The following SNRPN variants were observed in gnomAD, a reference collection of about 807,000 sequenced individuals.
SNRPN encodes the protein small nuclear ribonucleoprotein-associated protein N.
A neutral mutation model predicts 25.2 loss-of-function variants in SNRPN; 7 were observed. The ratio of observed to expected loss-of-function variants is 0.28; its 90% CI spans 0.16 to 0.52. The LOEUF (loss-of-function observed/expected upper bound fraction) is 0.52, where lower values mean the gene tolerates loss of function less well. SNRPN is among the 20% of genes least tolerant of loss of function. The pLI is 0.96. For synonymous variants in SNRPN, 124 were observed against 110.6 expected (o/e 1.12, Z -0.76); for missense variants, 196 against 322.5 (o/e 0.61, Z 3.00).
rs193204617 is a variant in SNRPN at position 24,935,288 on chromosome 15, C to G, written c.-391+15164C>G. Among the ~76,000 whole-genome samples, 3 of 149,696 alleles carry G rather than the reference C, an allele frequency of 2.0e-5. No individual in the cohort carries two copies. In the East Asian group the frequency reaches 5.8e-4, roughly 29 times the overall value. On this transcript the variant is annotated intron_variant, in intron 3 of 11. Transcript: ENST00000400097. ...CTTTGTCTCCAAAAAAAAAAAAGTT[C>G]GATTTTTGTTTAATAGGTGAGATCA... is the stretch of plus-strand genomic sequence containing the variant.
chr15:24,847,224 C>A (rs2052284061), intron 2 of SNRPN, among the ~76,000 whole-genome samples: 1 of 152,092 alleles, frequency 6.6e-6, no homozygotes, highest in African/African-American at 2.4e-5. Flanking sequence ...GCTCACAGCG[C>A]CACCTAGCAT....
At chr15:24,940,419 A>G (rs767148577) in intron 3 of SNRPN, among the ~76,000 whole-genome samples, 2 of 152,152 alleles carry the variant, frequency 1.3e-5, no homozygotes, top group African/African-American at 4.8e-5. Context: ...ATTCTTTTGC[A>G]TGTGGATATC....
chr15:24,832,869 G>A (rs1373309266), intron 2 of SNRPN, among the ~76,000 whole-genome samples: 1 of 151,972 alleles, frequency 6.6e-6, no homozygotes, highest in Non-Finnish European at 1.5e-5. Context: ...CACTTTGGGA[G>A]GCCGAGGCGG....
intron 3 of SNRPN, among the ~76,000 whole-genome samples, chr15:24,926,765 G>C (rs1422667891): frequency 6.6e-6 from 1 of 152,072 alleles, no homozygotes; most frequent in African/African-American, 2.4e-5. Context: ...AGCACCGTGG[G>C]AGGCTGAGAT....
intron 2 of SNRPN, among the ~76,000 whole-genome samples, chr15:24,888,308 G>A (rs965799001): frequency 2.0e-5 from 3 of 151,892 alleles, no homozygotes; most frequent in Non-Finnish European, 4.4e-5. Flanking sequence ...AGGTTTCACT[G>A]TCTTGGCCAG....
At position 24,925,483 on chromosome 15, in the gene SNRPN, C is replaced by A. The variant is rs186399228; in HGVS notation, c.-391+5359C>A. On this transcript the variant is annotated intron_variant, in intron 3 of 11. Transcript: ENST00000400097. ...TGTATGATTGCGTCCCCCTACCACTCCCCAACACTTCCCTGGCTCCACACC... is the reference window on the plus strand; with the variant it reads ...TGTATGATTGCGTCCCCCTACCACTACCCAACACTTCCCTGGCTCCACACC... Among the ~76,000 whole-genome samples the A allele has an allele frequency of 6.4e-3, 978 of 152,186 alleles. 8 individuals carry two copies. The highest frequency in any genetic ancestry group is 0.014 in the Middle Eastern group (4 of 294).
intron 3 of SNRPN, among the ~76,000 whole-genome samples, chr15:24,949,289 T>A (rs2153190479): frequency 6.6e-6 from 1 of 152,212 alleles, no homozygotes; most frequent in African/African-American, 2.4e-5. Context: ...CCCAAAGTGC[T>A]GGGATTACAG....
chr15:24,970,014 G>A, intron 3 of SNRPN, among the ~76,000 whole-genome samples: 1 of 152,168 alleles, frequency 6.6e-6, no homozygotes, highest in African/African-American at 2.4e-5. Flanking sequence ...TTTTAGAGGA[G>A]CAGATTGAAA....
upstream of SNRPN, among the ~76,000 whole-genome samples, chr15:24,953,748 A>C (rs2062466534): frequency 6.6e-6 from 1 of 152,222 alleles, no homozygotes; most frequent in African/African-American, 2.4e-5. Context: ...AATATTGACA[A>C]TTTTATATGA....
chr15:24,932,496 A>G (rs980141178), intron 3 of SNRPN, among the ~76,000 whole-genome samples: 1 of 152,010 alleles, frequency 6.6e-6, no homozygotes, highest in Non-Finnish European at 1.5e-5. Flanking sequence ...AGCCTCCTGA[A>G]GTGCTGGGAT....
At chr15:24,899,747 G>A (rs1052138089) in intron 2 of SNRPN, among the ~76,000 whole-genome samples, 2 of 152,154 alleles carry the variant, frequency 1.3e-5, no homozygotes, top group African/African-American at 4.8e-5. Context: ...AGTTCCACTG[G>A]TGCCGCACAC....
chr15:24,892,138 C>T (rs867815392), intron 2 of SNRPN, among the ~76,000 whole-genome samples: 10 of 152,172 alleles, frequency 6.6e-5, no homozygotes, highest in African/African-American at 2.2e-4. Flanking sequence ...TAACAGCTAT[C>T]GAAATGTCTC....
At chr15:24,844,538 T>C (rs1384093032) in intron 2 of SNRPN, among the ~76,000 whole-genome samples, 4 of 152,188 alleles carry the variant, frequency 2.6e-5, no homozygotes, top group East Asian at 1.9e-4. Context: ...TTGTTGTTTT[T>C]TTTTGAGACA....
intron 3 of SNRPN, among the ~76,000 whole-genome samples, chr15:24,970,281 AAAT>A (rs1341510464): frequency 1.3e-5 from 2 of 152,166 alleles, no homozygotes; most frequent in Non-Finnish European, 2.9e-5. Context: ...AAAAATAAGA[AAAT>A]AAACTATTAA....
chr15:24,860,732 A>G (rs1348644415), intron 1 of SNRPN, among the ~76,000 whole-genome samples: 1 of 152,194 alleles, frequency 6.6e-6, no homozygotes, highest in Admixed American at 6.5e-5. Context: ...ACTGTACTGA[A>G]ACAGAAAAAC....
chr15:24,915,561 T>C (rs947728541), intron 2 of SNRPN, among the ~76,000 whole-genome samples: 1 of 152,232 alleles, frequency 6.6e-6, no homozygotes, highest in African/African-American at 2.4e-5. Context: ...GTATGCATTA[T>C]GCTCCCTTTT....
intron 2 of SNRPN, among the ~76,000 whole-genome samples, chr15:24,896,475 G>T (rs990233513): frequency 6.6e-6 from 1 of 152,106 alleles, no homozygotes; most frequent in South Asian, 2.1e-4. Flanking sequence ...CACTTAAAAT[G>T]GCTCCTAGGC....
chr15:24,827,724 G>C (rs980005670), intron 1 of SNRPN, among the ~76,000 whole-genome samples: 5 of 151,238 alleles, frequency 3.3e-5, no homozygotes, highest in Non-Finnish European at 7.4e-5. Context: ...AAAATTAGCC[G>C]GGCATTGTGG....
intron 2 of SNRPN, among the ~76,000 whole-genome samples, chr15:24,833,022 A>G (rs4395054): frequency 0.59 from 87,793 of 147,870 alleles, 25,989 homozygotes; most frequent in East Asian, 0.83. Context: ...GGAGAATGGC[A>G]TGAACCCGGG....
Sources: gnomAD v4.1 joint callset for allele counts (sites outside exome capture counted in the v4.1 genomes callset) on GRCh38, gnomAD v4.1.1 for gene constraint, MANE v1.5 for transcripts, NCBI Gene and HGNC (gene_info 2026-07-23, HGNC 2026-07-21) for gene names.